The following PHF24 variants were observed in gnomAD, a reference collection of about 807,000 sequenced individuals.
PHF24 encodes the protein Galpha inhibitory interacting protein.
Under a neutral mutation model 42.6 loss-of-function variants are expected in PHF24, and 25 were observed. The ratio of observed to expected loss-of-function variants is 0.59; its 90% confidence interval spans 0.43 to 0.82. The LOEUF (loss-of-function observed/expected upper bound fraction) is 0.82. Among genes scored for constraint, PHF24 ranks in the 40% least tolerant of loss-of-function variants. The probability of loss-of-function intolerance (pLI) is 0.00; values close to 1 mark genes in which losing one functional copy is unlikely to be tolerated. For missense variants in PHF24, 470 were observed against 538.1 expected (o/e 0.87, Z 1.25); for synonymous variants, 185 against 204.8 (o/e 0.90, Z 0.83).
At chr9:34,855,425 C>A in the PHF24 span, among the ~76,000 whole-genome samples, 313 of 152,256 alleles carry the variant, frequency 2.1e-3, no homozygotes, top group Non-Finnish European at 3.3e-3. Flanking sequence ...TTTTTCCTTT[C>A]CCTATGTAGT....
At chr9:34,939,250 G>A in the PHF24 span, among the ~76,000 whole-genome samples, 4 of 152,212 alleles carry the variant, frequency 2.6e-5, no homozygotes, top group African/African-American at 9.6e-5. Flanking sequence ...TTGCACTCTA[G>A]CCTGGGCAAC....
the PHF24 span, among the ~76,000 whole-genome samples, chr9:34,783,646 A>G: frequency 6.6e-6 from 1 of 152,234 alleles, no homozygotes; most frequent in East Asian, 1.9e-4. Context: ...AAGAAATAAA[A>G]TAATCTTTTT....
the PHF24 span, chr9:34,690,204 A>G: frequency 2.5e-6 from 4 of 1,614,058 alleles, no homozygotes; most frequent in Non-Finnish European, 3.4e-6. Context: ...CCTCCCCACA[A>G]CTCACACTAC....
chr9:34,809,442 G>C, the PHF24 span, among the ~76,000 whole-genome samples: 1 of 152,202 alleles, frequency 6.6e-6, no homozygotes, highest in Non-Finnish European at 1.5e-5. This position sits in a 1 kb window ranked among gnomAD's most constrained non-coding sequence, Gnocchi z 4.1. Flanking sequence ...TGAATAGTCT[G>C]AGGGATGAGG....
the PHF24 span, chr9:34,724,532 T>A: frequency 2.6e-6 from 4 of 1,550,922 alleles, no homozygotes; most frequent in South Asian, 3.6e-5. Flanking sequence ...AATTCCCCAT[T>A]GTATCTCTAG....
At chr9:34,921,829 C>G in the PHF24 span, among the ~76,000 whole-genome samples, 2 of 152,200 alleles carry the variant, frequency 1.3e-5, no homozygotes, top group African/African-American at 4.8e-5. Flanking sequence ...TAGTCCCCAC[C>G]AGGACAAACC....
At chr9:34,666,081 G>A in the PHF24 span, 15 of 239,308 alleles carry the variant, frequency 6.3e-5, no homozygotes, top group East Asian at 1.1e-4. Context: ...ATGCCGTTGC[G>A]CACTAGGTTT....
chr9:34,885,884 CA>C, the PHF24 span, among the ~76,000 whole-genome samples: 4 of 151,696 alleles, frequency 2.6e-5, no homozygotes, highest in Non-Finnish European at 5.9e-5. Context: ...TAGTAACTTT[CA>C]GAATCTCTCT....
the PHF24 span, chr9:34,723,255 T>G: frequency 6.4e-7 from 1 of 1,551,648 alleles, no homozygotes; most frequent in South Asian, 1.2e-5. Flanking sequence ...CCTGGTTTGT[T>G]GGCACAAGCC....
chr9:34,752,485 A>G, the PHF24 span, among the ~76,000 whole-genome samples: 2 of 152,194 alleles, frequency 1.3e-5, no homozygotes, highest in South Asian at 2.1e-4. Flanking sequence ...ACACTGAATC[A>G]TGAAGAAATC....
chr9:34,949,225 C>T, the PHF24 span, among the ~76,000 whole-genome samples: 4 of 152,004 alleles, frequency 2.6e-5, no homozygotes, highest in Non-Finnish European at 4.4e-5. Flanking sequence ...TTCAAGTGCA[C>T]GTGGAATATT....
the PHF24 span, among the ~76,000 whole-genome samples, chr9:34,891,897 G>A: frequency 6.6e-6 from 1 of 152,218 alleles, no homozygotes. Context: ...CTTAGCCTGA[G>A]TCAGATATAG....
chr9:34,901,925 G>T, the PHF24 span, among the ~76,000 whole-genome samples: 3 of 152,194 alleles, frequency 2.0e-5, no homozygotes, highest in Non-Finnish European at 4.4e-5. Flanking sequence ...GAGGTAACTA[G>T]TGTGGGGGTA....
chr9:34,922,624 G>A, the PHF24 span: 1 of 1,005,602 alleles, frequency 9.9e-7, no homozygotes, highest in South Asian at 1.3e-5. Context: ...TTTCCAAAAG[G>A]GACAGTACAT....
At chr9:34,728,892 G>T in the PHF24 span, among the ~76,000 whole-genome samples, 4 of 152,090 alleles carry the variant, frequency 2.6e-5, no homozygotes, top group Non-Finnish European at 5.9e-5. Flanking sequence ...GATTCACAGA[G>T]AAGTCCTGCT....
the PHF24 span, among the ~76,000 whole-genome samples, chr9:34,693,532 T>C: frequency 2.0e-5 from 3 of 152,222 alleles, no homozygotes; most frequent in South Asian, 6.2e-4. Context: ...CATCTGAGAC[T>C]CTGAGGATGG....
chr9:34,809,041 AAAAAAAAAT>A, the PHF24 span, among the ~76,000 whole-genome samples: 1 of 139,814 alleles, frequency 7.2e-6, no homozygotes, highest in African/African-American at 3.1e-5. This position sits in a 1 kb window ranked among gnomAD's most constrained non-coding sequence, Gnocchi z 4.1. Context: ...GTATAATAAA[AAAAAAAAAT>A]AATAAATAAA....
At chr9:34,951,735 G>A in the PHF24 span, among the ~76,000 whole-genome samples, 1 of 152,176 alleles carries the variant, frequency 6.6e-6, no homozygotes, top group Non-Finnish European at 1.5e-5. Context: ...GTGATAATTT[G>A]TTACAGCAGC....
At chr9:34,840,521 C>T in the PHF24 span, among the ~76,000 whole-genome samples, 1 of 135,076 alleles carries the variant, frequency 7.4e-6, no homozygotes, top group African/African-American at 2.7e-5. Flanking sequence ...TCCTCCTCCT[C>T]TTCCTCCTCT....
Sources: gnomAD v4.1 joint callset for allele counts (sites outside exome capture counted in the v4.1 genomes callset) on GRCh38, gnomAD v4.1.1 for gene constraint, Gnocchi (gnomAD v3.1) non-coding constraint, MANE v1.5 for transcripts, NCBI Gene and HGNC (gene_info 2026-07-23, HGNC 2026-07-21) for gene names.